Variants in SPOCK3 observed in about 807,000 individuals in gnomAD.
SPOCK3 encodes the protein testican-3.
In SPOCK3, 30 loss-of-function variants were observed where a neutral mutation model predicts 56.6. The ratio of observed to expected loss-of-function variants is 0.53; its 90% confidence interval spans 0.40 to 0.72. The LOEUF is 0.72. SPOCK3 is among the 30% of genes least tolerant of loss of function. SPOCK3 has a pLI of 0.00. For missense variants in SPOCK3, 527 were observed against 530.0 expected, an observed-to-expected ratio of 0.99 and a Z score of 0.06; for synonymous variants, 196 against 183.3, an observed-to-expected ratio of 1.07 and a Z score of -0.56.
In SPOCK3 at chr4:167,119,379, A is replaced by C. The variant is rs558058044; in HGVS notation, c.190-56842T>G. Reference sequence around the variant, plus strand: ...ATATGAAATAATTCCCAATAAATACATATGAGAGCAGATGTTTTAGGATTT... The same window carrying C: ...ATATGAAATAATTCCCAATAAATACCTATGAGAGCAGATGTTTTAGGATTT... On this transcript the variant is annotated intron_variant, in intron 2 of 10. Coordinates refer to ENST00000357545, the MANE Select transcript of SPOCK3 (RefSeq NM_001040159.2). Among the ~76,000 whole-genome samples, 8 of 152,264 alleles carry C rather than the reference A, an allele frequency of 5.3e-5. No homozygotes were observed. The South Asian group carries it at 1.7e-3, about 32-fold the overall frequency.
intron 7 of SPOCK3, among the ~76,000 whole-genome samples, chr4:166,762,523 A>G (rs1016536323): frequency 1.5e-5 from 2 of 133,310 alleles, no homozygotes; most frequent in African/African-American, 5.3e-5. Flanking sequence ...CAGATGAAAG[A>G]CAAAAACTTC....
intron 6 of SPOCK3, among the ~76,000 whole-genome samples, chr4:166,865,729 T>C (rs1267817833): frequency 1.3e-5 from 2 of 151,976 alleles, no homozygotes; most frequent in East Asian, 3.9e-4. Context: ...ACAAGGGACA[T>C]AAAGGACCTC....
At chr4:166,929,429 C>A (rs1739483712) in intron 4 of SPOCK3, among the ~76,000 whole-genome samples, 1 of 152,224 alleles carries the variant, frequency 6.6e-6, no homozygotes, top group East Asian at 1.9e-4. Context: ...AATGTAGGTG[C>A]AAATAGATTG....
intron 6 of SPOCK3, among the ~76,000 whole-genome samples, chr4:166,855,780 G>A (rs568813470): frequency 6.6e-6 from 1 of 152,080 alleles, no homozygotes; most frequent in Non-Finnish European, 1.5e-5. Context: ...TGATTCATTA[G>A]GTGTGGGGAG....
intron 4 of SPOCK3, among the ~76,000 whole-genome samples, chr4:166,987,136 A>G (rs1263320600): frequency 2.0e-5 from 3 of 152,186 alleles, no homozygotes; most frequent in South Asian, 2.1e-4. Context: ...TCAAAGCCCT[A>G]TAAGATATGA....
intron 4 of SPOCK3, among the ~76,000 whole-genome samples, chr4:166,921,806 A>T (rs1319984329): frequency 6.6e-6 from 1 of 152,206 alleles, no homozygotes; most frequent in Non-Finnish European, 1.5e-5. Context: ...ATGTTCTATG[A>T]ACTGAATCAG....
At chr4:167,212,830 A>G (rs1031183180) in intron 2 of SPOCK3, among the ~76,000 whole-genome samples, 7 of 152,232 alleles carry the variant, frequency 4.6e-5, no homozygotes, top group African/African-American at 1.4e-4. Flanking sequence ...TAATGTCACT[A>G]GAAAATTATA....
chr4:166,890,337 C>CA (rs1036998555), intron 5 of SPOCK3, among the ~76,000 whole-genome samples: 33 of 151,998 alleles, frequency 2.2e-4, no homozygotes, highest in African/African-American at 7.9e-4. Flanking sequence ...CAAATGCTCT[C>CA]AGCCTCAATT....
chr4:167,004,808 G>A (rs1236531007), intron 3 of SPOCK3, among the ~76,000 whole-genome samples: 6 of 151,884 alleles, frequency 4.0e-5, no homozygotes, highest in African/African-American at 1.5e-4. Flanking sequence ...TTGGTGGTGA[G>A]AAAAAAAATA....
intron 6 of SPOCK3, among the ~76,000 whole-genome samples, chr4:166,833,433 A>T (rs769450855): frequency 6.6e-6 from 1 of 152,176 alleles, no homozygotes; most frequent in Admixed American, 6.5e-5. Flanking sequence ...GGTTACTAAG[A>T]GGCAAATGTT....
chr4:166,807,085 G>A (rs1385459333), intron 6 of SPOCK3, among the ~76,000 whole-genome samples: 2 of 152,068 alleles, frequency 1.3e-5, no homozygotes, highest in East Asian at 3.9e-4. Context: ...TGAAACTGCA[G>A]ATAAAGGGGG....
intron 5 of SPOCK3, among the ~76,000 whole-genome samples, chr4:166,889,535 G>T (rs965353417): frequency 5.3e-5 from 8 of 151,936 alleles, no homozygotes; most frequent in African/African-American, 1.9e-4. Context: ...TATATGACAT[G>T]AGTAGAACAT....
At chr4:167,138,554 AT>A (rs751369824) in intron 2 of SPOCK3, among the ~76,000 whole-genome samples, 3 of 152,006 alleles carry the variant, frequency 2.0e-5, no homozygotes, top group Non-Finnish European at 2.9e-5. Flanking sequence ...TACTCTGTTC[AT>A]TTCCCACCTA....
At chr4:166,790,210 T>C (rs530242312) in intron 7 of SPOCK3, among the ~76,000 whole-genome samples, 13 of 152,310 alleles carry the variant, frequency 8.5e-5, no homozygotes, top group African/African-American at 3.1e-4. Flanking sequence ...TGAGTTTAAG[T>C]ACTCTGGTTG....
At chr4:167,215,297 T>G (rs1185274345) in intron 2 of SPOCK3, among the ~76,000 whole-genome samples, 3 of 152,114 alleles carry the variant, frequency 2.0e-5, no homozygotes, top group Non-Finnish European at 4.4e-5. Context: ...TATTTGAATG[T>G]TTTATGACTA....
chr4:167,030,665 A>T (rs1010241264), intron 3 of SPOCK3, among the ~76,000 whole-genome samples: 1 of 152,050 alleles, frequency 6.6e-6, no homozygotes, highest in African/African-American at 2.4e-5. Context: ...ATGGTTCAGG[A>T]TAGACATGTC....
chr4:166,798,206 T>C lies in SPOCK3; in HGVS notation c.590-5917A>G, dbSNP rs544087292. On this transcript the variant is annotated intron_variant, in intron 6 of 10. Coordinates refer to ENST00000357545, the MANE Select transcript of SPOCK3 (RefSeq NM_001040159.2). ...TACTTTTTATCAGTACTTTAGAGTGTAATCCTACTTACTAAGCAAAAAGTT... is the reference window on the plus strand; with the variant it reads ...TACTTTTTATCAGTACTTTAGAGTGCAATCCTACTTACTAAGCAAAAAGTT... Among the ~76,000 whole-genome samples, 24 of 152,356 alleles carry C rather than the reference T, an allele frequency of 1.6e-4. No homozygotes were observed. The East Asian group carries it at 4.6e-3, about 29-fold the overall frequency.
chr4:167,204,765 T>C (rs1473766472), intron 2 of SPOCK3, among the ~76,000 whole-genome samples: 1 of 151,980 alleles, frequency 6.6e-6, no homozygotes, highest in African/African-American at 2.4e-5. Context: ...CACTGTTTTT[T>C]TTCGGGGTGG....
intron 4 of SPOCK3, among the ~76,000 whole-genome samples, chr4:166,963,645 TAAA>T (rs1299335022): frequency 1.3e-5 from 2 of 151,924 alleles, no homozygotes; most frequent in Non-Finnish European, 2.9e-5. Context: ...TTATTCAATT[TAAA>T]AAAACAAATT....
Sources: gnomAD v4.1 joint callset for allele counts (sites outside exome capture counted in the v4.1 genomes callset) on GRCh38, gnomAD v4.1.1 for gene constraint, MANE v1.5 for transcripts, NCBI Gene and HGNC (gene_info 2026-07-23, HGNC 2026-07-21) for gene names.